PRUNE2: variants seen among roughly 807,000 people sequenced by gnomAD.
PRUNE2 encodes prune homolog 2 with BCH domain.
A neutral mutation model predicts 252.0 loss-of-function variants in PRUNE2; 164 were observed. The ratio of observed to expected loss-of-function variants is 0.65; its 90% CI spans 0.57 to 0.74. The LOEUF (loss-of-function observed/expected upper bound fraction) is 0.74. Among genes scored for constraint, PRUNE2 ranks in the 30% least tolerant of loss-of-function variants. PRUNE2 has a pLI of 0.00. For synonymous variants in PRUNE2, 1,292 were observed against 1,350.2 expected, an observed-to-expected ratio of 0.96 and a Z score of 0.94; for missense variants, 3,495 against 3,711.0, an observed-to-expected ratio of 0.94 and a Z score of 1.51.
At chr9:76,839,069 T>G (rs186280722) in intron 4 of PRUNE2, among the ~76,000 whole-genome samples, 1 of 151,452 alleles carries the variant, frequency 6.6e-6, no homozygotes, top group Admixed American at 6.6e-5. Flanking sequence ...AGTTTGTTTG[T>G]TTTTTTTTAA....
At position 76,885,334 on chromosome 9, in the gene PRUNE2, T is replaced by G. The variant is rs565435591; in HGVS notation, c.36+20594A>C. Among the ~76,000 whole-genome samples, 8 of 152,296 alleles carry G rather than the reference T, an allele frequency of 5.3e-5. No homozygotes were observed. In the South Asian group the frequency reaches 1.7e-3, roughly 32 times the overall value. ...GATGACATAATGCCTTCTAGCTTGG[T>G]GCTATAAAGGCTGAAAAAGTGAAAG... On this transcript the variant is annotated intron_variant, in intron 1 of 18. Coordinates refer to ENST00000376718, the MANE Select transcript of PRUNE2 (RefSeq NM_015225.3).
At chr9:76,659,697 T>C (rs1167027429) in intron 9 of PRUNE2, among the ~76,000 whole-genome samples, 1 of 152,062 alleles carries the variant, frequency 6.6e-6, no homozygotes, top group Non-Finnish European at 1.5e-5. Context: ...ATCTGAAATC[T>C]GAAATGCTCC....
chr9:76,868,965 T>C (rs1250652390), intron 1 of PRUNE2: 1 of 152,082 alleles, frequency 6.6e-6, no homozygotes, highest in East Asian at 1.9e-4. Flanking sequence ...CCTGCTGCTG[T>C]GCGGCACAGC....
At chr9:76,875,065 A>G (rs12343773) in intron 1 of PRUNE2, among the ~76,000 whole-genome samples, 5,848 of 152,132 alleles carry the variant, frequency 0.038, 342 homozygotes, top group African/African-American at 0.12. Flanking sequence ...TGTTTCAACC[A>G]TACAGACAGC....
At chr9:76,776,417 C>T (rs1367296997) in intron 6 of PRUNE2, among the ~76,000 whole-genome samples, 1 of 151,862 alleles carries the variant, frequency 6.6e-6, no homozygotes, top group Non-Finnish European at 1.5e-5. Context: ...AATTATTTCA[C>T]ATAGGATAAT....
In PRUNE2 at chr9:76,791,307, A is replaced by G. The variant is rs7023892; in HGVS notation, c.756+32325T>C. Among the ~76,000 whole-genome samples the G allele has an allele frequency of 2.8e-3, 215 of 77,244 alleles. 2 individuals are homozygous for G. The highest frequency in any genetic ancestry group is 0.011 in the African/African-American group (203 of 18,300). The allele number at this position is 77,244 out of a possible 152,430, so 50.7% of individuals were successfully genotyped here. ...TCATTGGTACAATAATACTGCACCAATTATCATTGGTACAATAATACTGCA... is the reference window on the plus strand; with the variant it reads ...TCATTGGTACAATAATACTGCACCAGTTATCATTGGTACAATAATACTGCA... On this transcript the variant is annotated intron_variant, in intron 6 of 18. Transcript: ENST00000376718.
At chr9:76,823,450 T>G in intron 6 of PRUNE2, 182 bp downstream of exon 6, 1 of 547,342 alleles carries the variant, frequency 1.8e-6, no homozygotes, top group Non-Finnish European at 3.3e-6. Flanking sequence ...TTTGGCATTT[T>G]TCATTGACTT....
intron 6 of PRUNE2, among the ~76,000 whole-genome samples, chr9:76,766,550 C>T (rs932678639): frequency 1.3e-5 from 2 of 152,188 alleles, no homozygotes; most frequent in Non-Finnish European, 2.9e-5. Flanking sequence ...GGATCATGTT[C>T]ATGGATAGTG....
intron 2 of PRUNE2, 23 bp downstream of exon 2, chr9:76,854,081 A>G (rs778730224): frequency 1.8e-6 from 2 of 1,121,366 alleles, no homozygotes; most frequent in South Asian, 1.4e-5. Context: ...AAATATAAGG[A>G]GTATTACCCT....
intron 1 of PRUNE2, among the ~76,000 whole-genome samples, chr9:76,871,706 G>A (rs1367371542): frequency 6.6e-6 from 1 of 152,202 alleles, no homozygotes. Flanking sequence ...TCAGCCTACT[G>A]CAACCTCCAC....
chr9:76,733,925 GTTTTT>G (rs930737635), intron 6 of PRUNE2, among the ~76,000 whole-genome samples: 2 of 106,828 alleles, frequency 1.9e-5, no homozygotes, highest in Non-Finnish European at 4.1e-5. Flanking sequence ...AGTTTTAGTT[GTTTTT>G]TTTTTTTCTT....
In PRUNE2 at chr9:76,906,032, C is replaced by G; in HGVS notation, c.-69G>C. ...GTGGAAAATCTCGGCCCAAGGAAGA[C>G]GAGCGGGGTCCCGGGAAAGTGGCCC... On this transcript the variant is annotated 5_prime_UTR_variant, in exon 1 of 19. Transcript: ENST00000376718. 2 of 1,553,880 alleles carry G rather than the reference C, an allele frequency of 1.3e-6. No individual in the cohort carries two copies. The highest frequency in any genetic ancestry group is 1.8e-6 in the Non-Finnish European group (2 of 1,126,598).
Position 76,906,011 on chromosome 9 carries a change from A to G in PRUNE2, c.-48T>C. 6.2e-7 allele frequency: 1 copy of G among 1,603,628 alleles called. No individual in the cohort carries two copies. The highest frequency in any genetic ancestry group is 1.3e-5 in the African/African-American group (1 of 74,796). On this transcript the variant is annotated 5_prime_UTR_variant, in exon 1 of 19. Coordinates refer to ENST00000376718, the MANE Select transcript of PRUNE2 (RefSeq NM_015225.3). ...CCGGGTACTCGGAGGGGCGCAGTGG[A>G]AAATCTCGGCCCAAGGAAGACGAGC...
intron 6 of PRUNE2, among the ~76,000 whole-genome samples, chr9:76,817,294 G>A (rs886409234): frequency 3.9e-5 from 6 of 152,142 alleles, no homozygotes; most frequent in Non-Finnish European, 5.9e-5. Context: ...GGACTGGCCT[G>A]GGATTTGGGT....
At chr9:76,693,632 C>G (rs868537883) in intron 9 of PRUNE2, among the ~76,000 whole-genome samples, 1 of 151,778 alleles carries the variant, frequency 6.6e-6, no homozygotes, top group African/African-American at 2.4e-5. Flanking sequence ...TTAGTGGAGA[C>G]GGGGTTTCAT....
At chr9:76,888,873 C>A (rs1023726808) in intron 1 of PRUNE2, among the ~76,000 whole-genome samples, 1 of 152,004 alleles carries the variant, frequency 6.6e-6, no homozygotes, top group Non-Finnish European at 1.5e-5. Flanking sequence ...GACGGAGTCG[C>A]GCTCTGTCAC....
chr9:76,791,011 C>A (rs1023603442), intron 6 of PRUNE2, among the ~76,000 whole-genome samples: 1 of 152,074 alleles, frequency 6.6e-6, no homozygotes, highest in Non-Finnish European at 1.5e-5. Flanking sequence ...CTCACTTATA[C>A]GTGAAATCTA....
intron 9 of PRUNE2, among the ~76,000 whole-genome samples, chr9:76,659,146 CA>C (rs1438283660): frequency 2.6e-5 from 4 of 152,206 alleles, no homozygotes; most frequent in Non-Finnish European, 5.9e-5. Context: ...GAAATGTAAA[CA>C]AGAAATGAAC....
In PRUNE2 at chr9:76,789,791, A is replaced by G. The variant is rs376111384; in HGVS notation, c.756+33841T>C. ...TCTCACATCCTGAAAGTCCTGGGTG[A>G]TTGACAACCAGGAATTATTGTCTAC... On this transcript the variant is annotated intron_variant, in intron 6 of 18. Transcript: ENST00000376718. Among the ~76,000 whole-genome samples the G allele has an allele frequency of 2.9e-4, 44 of 152,094 alleles. 1 individual carries two copies. In the South Asian group the frequency reaches 9.0e-3, roughly 31 times the overall value.
Sources: allele counts gnomAD v4.1 joint callset (sites outside exome capture counted in the v4.1 genomes callset), GRCh38; gene constraint gnomAD v4.1.1; transcripts MANE v1.5; gene names NCBI Gene and HGNC (gene_info 2026-07-23, HGNC 2026-07-21).